Variants in NEO1 observed in about 807,000 individuals in gnomAD.
NEO1 encodes the protein neogenin.
A neutral mutation model predicts 159.7 loss-of-function variants in NEO1; 63 were observed. That is an observed-to-expected ratio of 0.39 (90% CI 0.32 to 0.49). The LOEUF is 0.49. Among genes scored for constraint, NEO1 ranks in the 20% least tolerant of loss-of-function variants. The pLI is 0.85. For synonymous variants in NEO1, 633 were observed against 662.0 expected, an observed-to-expected ratio of 0.96 and a Z score of 0.67; for missense variants, 1,615 against 1,831.0, an observed-to-expected ratio of 0.88 and a Z score of 2.15.
At chr15:73,186,384 T>A (rs1005378174) in intron 7 of NEO1, among the ~76,000 whole-genome samples, 1 of 151,938 alleles carries the variant, frequency 6.6e-6, no homozygotes, top group Non-Finnish European at 1.5e-5. Context: ...AAAATATCTT[T>A]CAAAAATTAA....
intron 1 of NEO1, among the ~76,000 whole-genome samples, chr15:73,114,969 A>G (rs72741416): frequency 0.021 from 3,224 of 152,336 alleles, 75 homozygotes; most frequent in Non-Finnish European, 0.03. Context: ...TACTTTTTAA[A>G]AATTTCTAAG....
At chr15:73,100,414 A>G (rs898032045) in intron 1 of NEO1, among the ~76,000 whole-genome samples, 3 of 150,292 alleles carry the variant, frequency 2.0e-5, no homozygotes, top group Non-Finnish European at 4.4e-5. Flanking sequence ...TACTCACTGC[A>G]CCCTGTGCCT....
At chr15:73,101,672 C>A (rs1420136858) in intron 1 of NEO1, among the ~76,000 whole-genome samples, 1 of 152,114 alleles carries the variant, frequency 6.6e-6, no homozygotes, top group Non-Finnish European at 1.5e-5. Flanking sequence ...TGTCTATTGT[C>A]CAGTGTCTGA....
intron 5 of NEO1, among the ~76,000 whole-genome samples, chr15:73,172,445 C>A (rs367932105): frequency 2.0e-5 from 3 of 152,118 alleles, no homozygotes; most frequent in Admixed American, 6.6e-5. Context: ...CAAAGATATA[C>A]GTTAAAGTTA....
intron 3 of NEO1, among the ~76,000 whole-genome samples, chr15:73,124,430 C>T (rs988203777): frequency 1.3e-5 from 2 of 152,146 alleles, no homozygotes; most frequent in Non-Finnish European, 2.9e-5. Context: ...CCATGTCATT[C>T]AGAGTTAAAG....
At chr15:73,170,017 T>C (rs1346415910) in intron 5 of NEO1, among the ~76,000 whole-genome samples, 2 of 152,004 alleles carry the variant, frequency 1.3e-5, no homozygotes, top group Non-Finnish European at 2.9e-5. Flanking sequence ...GATTTAAAAA[T>C]TTACAAAGTA....
chr15:73,267,129 G>A lies in NEO1; in HGVS notation c.2494+718G>A, dbSNP rs945657974. On this transcript the variant is annotated intron_variant, in intron 16 of 28. Coordinates refer to ENST00000261908, the MANE Select transcript of NEO1 (RefSeq NM_002499.4). ...AAAAATTAGCCAGGCGTGGTGCTGGGCGCCTGTAGTCCCAGCAACTCGGAA... is the reference window on the plus strand; with the variant it reads ...AAAAATTAGCCAGGCGTGGTGCTGGACGCCTGTAGTCCCAGCAACTCGGAA... 3.9e-5 allele frequency among the ~76,000 whole-genome samples: 6 copies of A among 152,212 alleles called. No homozygotes were observed. The South Asian group carries it at 6.2e-4, about 16-fold the overall frequency.
chr15:73,288,637 A>G (rs2042041789), intron 24 of NEO1, 86 bp downstream of exon 24: 1 of 1,127,516 alleles, frequency 8.9e-7, no homozygotes, highest in Non-Finnish European at 1.3e-6. Context: ...GTTTGCCTTC[A>G]TTTGGCAATT....
chr15:73,057,982 AC>A (rs1434021292), intron 1 of NEO1, among the ~76,000 whole-genome samples: 1 of 152,120 alleles, frequency 6.6e-6, no homozygotes, highest in Non-Finnish European at 1.5e-5. Context: ...CCCATAAGTA[AC>A]CCCTTTTAAT....
intron 7 of NEO1, among the ~76,000 whole-genome samples, chr15:73,229,131 T>G (rs2038762443): frequency 6.6e-6 from 1 of 152,164 alleles, no homozygotes; most frequent in African/African-American, 2.4e-5. Context: ...TATTAACAAC[T>G]TTGAGTTGTT....
At chr15:73,128,096 A>G (rs894654505) in intron 4 of NEO1, among the ~76,000 whole-genome samples, 1 of 152,196 alleles carries the variant, frequency 6.6e-6, no homozygotes, top group Admixed American at 6.5e-5. Context: ...TTAGCAAAAC[A>G]TGGCATCCTC....
chr15:73,163,096 G>A (rs2034308058), intron 5 of NEO1, among the ~76,000 whole-genome samples: 1 of 151,968 alleles, frequency 6.6e-6, no homozygotes, highest in African/African-American at 2.4e-5. Context: ...TACTTTACTT[G>A]TTAGGTACGT....
chr15:73,210,831 C>A lies in NEO1; in HGVS notation c.1292-25516C>A, dbSNP rs1166433190. 3.3e-5 allele frequency among the ~76,000 whole-genome samples: 5 copies of A among 152,002 alleles called. No individual in the cohort carries two copies. In the East Asian group the frequency reaches 7.7e-4, roughly 23 times the overall value. On this transcript the variant is annotated intron_variant, in intron 7 of 28. Transcript: ENST00000261908. Reference sequence around the variant, plus strand: ...AGTAAGTTCTGTTTAGAAAGTCAGCCCCAGAAGGTTTATTTACGCACTATA... The same window carrying A: ...AGTAAGTTCTGTTTAGAAAGTCAGCACCAGAAGGTTTATTTACGCACTATA...
chr15:73,239,663 C>T (rs948839748), intron 8 of NEO1, among the ~76,000 whole-genome samples: 14 of 152,138 alleles, frequency 9.2e-5, no homozygotes, highest in African/African-American at 3.1e-4. Flanking sequence ...AGCCTAGAAG[C>T]AATAGGCTAT....
intron 1 of NEO1, among the ~76,000 whole-genome samples, chr15:73,058,161 A>G (rs1043160618): frequency 3.3e-5 from 5 of 152,248 alleles, no homozygotes; most frequent in African/African-American, 1.2e-4. Context: ...ATGTGTGTGT[A>G]ATATTCCAGG....
At chr15:73,132,880 A>G (rs577649793) in intron 4 of NEO1, among the ~76,000 whole-genome samples, 2 of 152,268 alleles carry the variant, frequency 1.3e-5, no homozygotes, top group East Asian at 1.9e-4. Flanking sequence ...AATCAAAAGT[A>G]ATAGATGTTG....
chr15:73,111,035 A>T (rs567186888), intron 1 of NEO1, among the ~76,000 whole-genome samples: 1 of 152,304 alleles, frequency 6.6e-6, no homozygotes, highest in Admixed American at 6.5e-5. Flanking sequence ...ATATATATAC[A>T]TATATAAAAG....
At chr15:73,061,346 C>A (rs759016912) in intron 1 of NEO1, among the ~76,000 whole-genome samples, 1 of 152,164 alleles carries the variant, frequency 6.6e-6, no homozygotes, top group Non-Finnish European at 1.5e-5. Flanking sequence ...TATTGCCTAC[C>A]CCTGGCCTTT....
intron 9 of NEO1, among the ~76,000 whole-genome samples, chr15:73,245,877 G>A (rs539587861): frequency 1.3e-5 from 2 of 151,826 alleles, no homozygotes; most frequent in South Asian, 4.2e-4. Flanking sequence ...CATCGCACCC[G>A]GCCACCTCAG....
Sources: gnomAD v4.1 joint callset for allele counts (sites outside exome capture counted in the v4.1 genomes callset) on GRCh38, gnomAD v4.1.1 for gene constraint, MANE v1.5 for transcripts, NCBI Gene and HGNC (gene_info 2026-07-23, HGNC 2026-07-21) for gene names.